Variants in PATJ observed in about 807,000 individuals in gnomAD.
PATJ encodes the protein inaD-like protein.
Under a neutral mutation model 224.9 loss-of-function variants are expected in PATJ, and 190 were observed. The ratio of observed to expected loss-of-function variants is 0.84; its 90% CI spans 0.75 to 0.95. The LOEUF is 0.95. Ranked by LOEUF, PATJ falls within the 40% of genes least tolerant of loss-of-function variation. PATJ has a pLI of 0.00. For synonymous variants in PATJ, 769 were observed against 820.3 expected (o/e 0.94, Z 1.07); for missense variants, 2,121 against 2,270.3 (o/e 0.93, Z 1.34).
intron 27 of PATJ, among the ~76,000 whole-genome samples, chr1:61,940,113 AAT>A (rs1186976590): frequency 6.6e-6 from 1 of 152,082 alleles, no homozygotes; most frequent in Non-Finnish European, 1.5e-5. Context: ...CAATTGTAGT[AAT>A]ATATATTTAT....
chr1:61,923,112 A>G (rs567696858), intron 26 of PATJ, among the ~76,000 whole-genome samples: 1 of 152,370 alleles, frequency 6.6e-6, no homozygotes, highest in South Asian at 2.1e-4. Flanking sequence ...GCCCAGTAAT[A>G]CCAAAAGTCA....
chr1:62,031,655 G>A (rs1649327313), intron 29 of PATJ, among the ~76,000 whole-genome samples: 2 of 152,176 alleles, frequency 1.3e-5, no homozygotes, highest in African/African-American at 4.8e-5. Context: ...GCTCTGGATA[G>A]GCTATGAAAA....
In PATJ at chr1:61,797,386, A is replaced by C; in HGVS notation, c.1360A>C (p.Thr454Pro). 2 of 1,613,968 alleles carry C rather than the reference A, an allele frequency of 1.2e-6. No individual in the cohort carries two copies. The highest frequency in any genetic ancestry group is 1.7e-6 in the Non-Finnish European group (2 of 1,179,850). The change falls in exon 11 of 44, where the codon ACA (threonine) becomes CCA (proline). Residue 454 changes from threonine to proline, a missense_variant. Coordinates refer to ENST00000642238, the MANE Select transcript of PATJ (RefSeq NM_001350145.3). ...ACACCTAACCCTAGTTCGAAGGAAG[A>C]CATCCTCATCTACTTCTCCACTTGA... is the stretch of plus-strand genomic sequence containing the variant. The part of the protein sequence containing the change: ...VVHLTLVRRK[T>P]SSSTSPLEPP...
intron 27 of PATJ, among the ~76,000 whole-genome samples, chr1:61,935,404 A>G (rs1402242623): frequency 2.6e-5 from 4 of 152,092 alleles, no homozygotes; most frequent in Non-Finnish European, 2.9e-5. Context: ...TTTCCACCCT[A>G]ATTTTGTTTT....
At chr1:62,119,631 G>A (rs1664828535) in intron 37 of PATJ, among the ~76,000 whole-genome samples, 1 of 152,132 alleles carries the variant, frequency 6.6e-6, no homozygotes. Context: ...AACACAGTCA[G>A]GCAAAGTGTA....
At chr1:61,818,817 C>T (rs369736133) in intron 14 of PATJ, among the ~76,000 whole-genome samples, 34 of 152,274 alleles carry the variant, frequency 2.2e-4, no homozygotes, top group Middle Eastern at 3.4e-3. Context: ...TGAGCCTCTG[C>T]GAATCCTGAC....
intron 32 of PATJ, among the ~76,000 whole-genome samples, chr1:62,083,187 C>T (rs1424617751): frequency 6.6e-6 from 1 of 152,170 alleles, no homozygotes; most frequent in African/African-American, 2.4e-5. Flanking sequence ...AGTGCAATGG[C>T]GCGATCTCAG....
chr1:62,021,209 A>G (rs1167703729), intron 29 of PATJ, among the ~76,000 whole-genome samples: 2 of 152,170 alleles, frequency 1.3e-5, no homozygotes, highest in African/African-American at 4.8e-5. Flanking sequence ...GAGAGGGCCC[A>G]CTTCCTGTTT....
At chr1:61,874,244 C>G (rs1667064031) in intron 20 of PATJ, among the ~76,000 whole-genome samples, 1 of 151,686 alleles carries the variant, frequency 6.6e-6, no homozygotes, top group African/African-American at 2.4e-5. Flanking sequence ...CTCTGTCACT[C>G]AGGCTAGAGT....
Position 62,018,428 on chromosome 1 carries a change from G to A in PATJ, c.3959+481G>A, listed in dbSNP as rs1558047700. Among the ~76,000 whole-genome samples, 1 of 152,114 alleles carries A rather than the reference G, an allele frequency of 6.6e-6. No homozygotes were observed. Among genetic ancestry groups the A allele is most frequent in the Non-Finnish European group, 1.5e-5 (1 of 68,024 alleles). ...TGCCTAGAGTTGTGTTGTGTGTTTG[G>A]GGCTTCACATTTACTCAGACCTCCC... is the stretch of plus-strand genomic sequence containing the variant. On this transcript the variant is annotated intron_variant, in intron 29 of 43. Transcript: ENST00000642238. The surrounding 1 kb of genome is among the most constrained non-coding windows in gnomAD (Gnocchi z 4.2).
At position 61,979,585 on chromosome 1, in the gene PATJ, G is replaced by A. The variant is rs564151018; in HGVS notation, c.3671-10583G>A. 7.6e-4 allele frequency among the ~76,000 whole-genome samples: 115 copies of A among 151,086 alleles called. 1 individual carries two copies. The highest frequency in any genetic ancestry group is 6.8e-3 in the Middle Eastern group (2 of 292). On this transcript the variant is annotated intron_variant, in intron 27 of 43. Transcript: ENST00000642238. Reference sequence around the variant, plus strand: ...GGATAGTGGCTTGAACTCGGGAGGCGGAGATTGCAGTGAGCCAAGATCACA... The same window carrying A: ...GGATAGTGGCTTGAACTCGGGAGGCAGAGATTGCAGTGAGCCAAGATCACA...
In PATJ at chr1:62,116,680, G is replaced by T. The variant is rs749469650; in HGVS notation, c.4803+1G>T. 1 of 1,605,958 alleles carries T rather than the reference G, an allele frequency of 6.2e-7. No individual in the cohort carries two copies. Among genetic ancestry groups the T allele is most frequent in the Admixed American group, 1.7e-5 (1 of 58,680 alleles). On this transcript the variant is annotated splice_donor_variant, in intron 36 of 43. Transcript: ENST00000642238. LOFTEE classifies it high-confidence loss of function. ...GGAGACAGTGGCCACCATCCTCAAG[G>T]TGAGTTGCTAGGCTGCTTTTTACCC...
At chr1:62,066,387 CTT>C (rs200726650) in intron 31 of PATJ, among the ~76,000 whole-genome samples, 15 of 144,858 alleles carry the variant, frequency 1.0e-4, no homozygotes, top group African/African-American at 1.0e-4. Flanking sequence ...GCTGTGGGAA[CTT>C]TTTTTTTTTT....
intron 27 of PATJ, among the ~76,000 whole-genome samples, chr1:61,965,164 A>T: frequency 7.3e-6 from 1 of 136,348 alleles, no homozygotes; most frequent in Non-Finnish European, 1.5e-5. Context: ...AAAAAAAAGG[A>T]GCCTTCATGT....
At chr1:61,782,953 A>G (rs569693000) in intron 7 of PATJ, among the ~76,000 whole-genome samples, 2 of 152,208 alleles carry the variant, frequency 1.3e-5, no homozygotes, top group African/African-American at 2.4e-5. Context: ...GCCTATTTAA[A>G]GGTTGTCATA....
rs60747316 is a variant in PATJ at position 62,062,392 on chromosome 1, C to CTTTTTTTTTTTTT, written c.4125+11349_4125+11361dup. ...TGGTTGGCTGCTTCTATGTTGTCTT[C>CTTTTTTTTTTTTT]TTTTTTTTTTTTTTTTTTTTTTTTT... On this transcript the variant is annotated intron_variant, in intron 31 of 43. Coordinates refer to ENST00000642238, the MANE Select transcript of PATJ (RefSeq NM_001350145.3). Among the ~76,000 whole-genome samples the CTTTTTTTTTTTTT allele has an allele frequency of 5.6e-3, 160 of 28,496 alleles. 12 individuals carry two copies. The highest frequency in any genetic ancestry group is 0.05 in the Middle Eastern group (1 of 20). The allele number at this position is 28,496 out of a possible 152,430, so 18.7% of individuals were successfully genotyped here.
chr1:61,936,289 G>T (rs1232991535), intron 27 of PATJ, among the ~76,000 whole-genome samples: 1 of 151,050 alleles, frequency 6.6e-6, no homozygotes, highest in African/African-American at 2.4e-5. Flanking sequence ...ATGGAGTGGA[G>T]TAGGAAACCT....
chr1:61,897,447 G>A (rs886581853), intron 22 of PATJ, among the ~76,000 whole-genome samples: 4 of 152,316 alleles, frequency 2.6e-5, no homozygotes, highest in Middle Eastern at 3.4e-3. Context: ...GTGTGGTGCT[G>A]TTGTCATCAG....
chr1:62,148,219 C>G, intron 41 of PATJ, 65 bp from the exon 42 acceptor site: 1 of 1,057,282 alleles, frequency 9.5e-7, no homozygotes, highest in Non-Finnish European at 1.5e-6. Context: ...CCCTTGGATA[C>G]AGCATGGTTT....
Sources: gnomAD v4.1 joint callset for allele counts (sites outside exome capture counted in the v4.1 genomes callset) on GRCh38, gnomAD v4.1.1 for gene constraint, Gnocchi (gnomAD v3.1) non-coding constraint, MANE v1.5 for transcripts, NCBI Gene and HGNC (gene_info 2026-07-23, HGNC 2026-07-21) for gene names.